Variants in SBNO2 observed in about 807,000 individuals in gnomAD.
SBNO2 encodes the protein protein strawberry notch homolog 2.
Under a neutral mutation model 146.3 loss-of-function variants are expected in SBNO2, and 89 were observed. That is an observed-to-expected ratio of 0.61 (90% CI 0.51 to 0.73). The LOEUF is 0.73. Among genes scored for constraint, SBNO2 ranks in the 30% least tolerant of loss-of-function variants. The pLI, the probability that SBNO2 is intolerant of heterozygous loss-of-function variation, is 0.00. For missense variants in SBNO2, 2,092 were observed against 2,003.7 expected (o/e 1.04, Z -0.84); for synonymous variants, 1,147 against 892.6 (o/e 1.29, Z -5.08).
intron 24 of SBNO2, 92 bp downstream of exon 24, chr19:1,111,414 C>G (rs537020148): frequency 2.2e-6 from 2 of 895,760 alleles, no homozygotes; most frequent in South Asian, 3.1e-5. Context: ...AACACACAAC[C>G]GGCCTACAAA....
In SBNO2 at chr19:1,149,244, C is replaced by T. The variant is rs547561350; in HGVS notation, c.167+125G>A. On this transcript the variant is annotated intron_variant, in intron 3 of 31. Transcript: ENST00000361757. ...GTGGAGCCTTCCAGGACCACGTGCA[C>T]ACCACCCTCCAAACCCCTCAACAAG... 5.6e-5 allele frequency: 48 copies of T among 856,298 alleles called. 1 individual carries two copies. In the South Asian group the frequency reaches 6.6e-4, roughly 12 times the overall value. The allele number at this position is 856,298 out of a possible 1,614,324, so 53.0% of individuals were successfully genotyped here.
chr19:1,111,430 C>G (rs2145190491), intron 24 of SBNO2, 76 bp downstream of exon 24: 1 of 1,018,728 alleles, frequency 9.8e-7, no homozygotes, highest in East Asian at 2.6e-5. Flanking sequence ...ACAAAGCCTG[C>G]TGCCCCAGCT....
intron 18 of SBNO2, 93 bp from the exon 19 acceptor site, chr19:1,113,797 G>A: frequency 1.5e-6 from 2 of 1,371,338 alleles, no homozygotes; most frequent in East Asian, 3.0e-5. Flanking sequence ...CAAGGACAAG[G>A]GGCCCGGGGC....
intron 18 of SBNO2, 29 bp downstream of exon 18, chr19:1,114,202 G>T: frequency 1.4e-6 from 2 of 1,419,490 alleles, no homozygotes; most frequent in Non-Finnish European, 1.9e-6. Flanking sequence ...TGACCCACAG[G>T]TGGCTGGCCA....
intron 2 of SBNO2, among the ~76,000 whole-genome samples, chr19:1,149,674 C>T (rs1057013683): frequency 9.9e-5 from 15 of 152,204 alleles, no homozygotes; most frequent in Admixed American, 9.2e-4. Flanking sequence ...AGGCACTGAA[C>T]CACCCGCGTG....
chr19:1,115,790 A>G (rs2072282), intron 17 of SBNO2: 320,844 of 581,694 alleles, frequency 0.55, 90,307 homozygotes, highest in African/African-American at 0.73. Flanking sequence ...CTCGGCACCC[A>G]CGTCTGTGTC....
chr19:1,143,913 C>T (rs1016526424), intron 4 of SBNO2, among the ~76,000 whole-genome samples: 1 of 152,246 alleles, frequency 6.6e-6, no homozygotes, highest in Non-Finnish European at 1.5e-5. Context: ...AGAGGCGACA[C>T]GGCGGCAGGT....
At chr19:1,141,807 C>T (rs945912068) in intron 4 of SBNO2, among the ~76,000 whole-genome samples, 6 of 151,910 alleles carry the variant, frequency 3.9e-5, no homozygotes, top group Non-Finnish European at 2.9e-5. Flanking sequence ...ATTTTTTATA[C>T]AGATAGGGTC....
At chr19:1,172,786 C>CCCCCCCCCCCA (rs1568659815) in intron 1 of SBNO2, among the ~76,000 whole-genome samples, 1 of 93,422 alleles carries the variant, frequency 1.1e-5, no homozygotes, top group East Asian at 3.8e-4. Context: ...CCGCCCCCCC[C>CCCCCCCCCCCA]GCCCCGGCAA....
rs999899698 is a variant in SBNO2, at chr19:1,144,642, C to T, written c.279+2667G>A. Among the ~76,000 whole-genome samples the T allele has an allele frequency of 3.6e-5, 5 of 137,240 alleles. No homozygotes were observed. Among genetic ancestry groups the T allele is most frequent in the African/African-American group, 8.3e-5 (3 of 36,180 alleles). The allele number at this position is 137,240 out of a possible 152,430, so 90.0% of individuals were successfully genotyped here. ...GGGAAACAGACGAAGACAGAGAGGG[C>T]GACAGAGACAGAGGCAGAGAGGGAA... On this transcript the variant is annotated intron_variant, in intron 4 of 31. Transcript: ENST00000361757. This position sits in a 1 kb window ranked among gnomAD's most constrained non-coding sequence, Gnocchi z 4.1.
Position 1,108,956 on chromosome 19 carries a change from G to T in SBNO2, c.3439C>A (p.Arg1147=). 1 of 1,542,114 alleles carries T rather than the reference G, an allele frequency of 6.5e-7. No homozygotes were observed. The highest frequency in any genetic ancestry group is 8.7e-7 in the Non-Finnish European group (1 of 1,150,206). ...CSHSAWNRHC[R]LAQEGKDCLQ... ...CAGTCCTTACCCTCCTGCGCCAGCC[G>T]GCAGTGCCGGTTCCTGCGGACGAGA... Residue 1147 remains arginine (R), a synonymous_variant, in exon 31 of 32, where the codon CGG becomes AGG. Transcript: ENST00000361757.
At chr19:1,163,424 A>T (rs905972114) in intron 1 of SBNO2, among the ~76,000 whole-genome samples, 1 of 152,170 alleles carries the variant, frequency 6.6e-6, no homozygotes, top group Non-Finnish European at 1.5e-5. Flanking sequence ...GGCCTCCAGG[A>T]CAGGGACAGG....
intron 5 of SBNO2, among the ~76,000 whole-genome samples, chr19:1,127,072 A>C (rs2079973856): frequency 1.3e-5 from 2 of 152,252 alleles, no homozygotes; most frequent in South Asian, 4.1e-4. Context: ...TCGCCCTCTC[A>C]GCTCCCCACT....
intron 1 of SBNO2, among the ~76,000 whole-genome samples, chr19:1,161,813 G>T (rs1341165691): frequency 1.3e-5 from 2 of 151,386 alleles, no homozygotes; most frequent in Non-Finnish European, 2.9e-5. Flanking sequence ...CAGGTGGTGG[G>T]TGTCATGGCT....
chr19:1,163,934 A>C lies in SBNO2; in HGVS notation c.-126-9532T>G, dbSNP rs189604374. 4.2e-3 allele frequency among the ~76,000 whole-genome samples: 634 copies of C among 152,296 alleles called. 9 individuals are homozygous for C. Among genetic ancestry groups the C allele is most frequent in the African/African-American group, 0.015 (622 of 41,574 alleles). On this transcript the variant is annotated intron_variant, in intron 1 of 31. Transcript: ENST00000361757. ...TCACCGCCCCATACCCCAGGAGCCCACGTGCTTCTCTCACAGGGAAAGGTG... is the reference window on the plus strand; with the variant it reads ...TCACCGCCCCATACCCCAGGAGCCCCCGTGCTTCTCTCACAGGGAAAGGTG...
rs555715443 is a variant in SBNO2 at position 1,130,471 on chromosome 19, G to A, written c.280-2706C>T. On this transcript the variant is annotated intron_variant, in intron 4 of 31. Coordinates refer to ENST00000361757, the MANE Select transcript of SBNO2 (RefSeq NM_014963.3). ...TGCGCCACTGCACGCCAGCCTGGGA[G>A]ACAGAGCGAGACCCTATCTCAAAAA... Among the ~76,000 whole-genome samples, 33 of 152,178 alleles carry A rather than the reference G, an allele frequency of 2.2e-4. No homozygotes were observed. In the South Asian group the frequency reaches 6.6e-3, roughly 31 times the overall value.
rs1048206395 is a variant in SBNO2, at chr19:1,174,221, G to A, written c.-176C>T. 2 of 151,820 alleles carry A rather than the reference G, an allele frequency of 1.3e-5. No homozygotes were observed. The highest frequency in any genetic ancestry group is 1.5e-5 in the Non-Finnish European group (1 of 67,882). 9.4% of individuals were successfully genotyped at this position (151,820 alleles called of 1,614,324 possible). The stretch of plus-strand genomic sequence containing the variant: ...CGGAGCCCGCGGCGCCTGTTTCTCC[G>A]AGCCTCGCAGCTGCCGCCGCTCACT... On this transcript the variant is annotated 5_prime_UTR_variant, in exon 1 of 32. Transcript: ENST00000361757.
chr19:1,118,318 A>C (rs1486094776), intron 14 of SBNO2, among the ~76,000 whole-genome samples: 2 of 152,098 alleles, frequency 1.3e-5, no homozygotes, highest in Non-Finnish European at 2.9e-5. Context: ...AGCCTGGGCA[A>C]CAAGAGTGGA....
intron 3 of SBNO2, among the ~76,000 whole-genome samples, chr19:1,147,805 CT>C (rs899101356): frequency 2.1e-4 from 32 of 152,140 alleles, no homozygotes; most frequent in African/African-American, 7.7e-4. Flanking sequence ...TGACCCACAC[CT>C]CACTCCCGCC....
Sources: gnomAD v4.1 joint callset for allele counts (sites outside exome capture counted in the v4.1 genomes callset) on GRCh38, gnomAD v4.1.1 for gene constraint, Gnocchi (gnomAD v3.1) non-coding constraint, MANE v1.5 for transcripts, NCBI Gene and HGNC (gene_info 2026-07-23, HGNC 2026-07-21) for gene names.